SLC10A7: variants seen among roughly 807,000 people sequenced by gnomAD.
SLC10A7 encodes the protein sodium/bile acid cotransporter 7.
A neutral mutation model predicts 43.2 loss-of-function variants in SLC10A7; 29 were observed. That is an observed-to-expected ratio of 0.67 (90% CI 0.50 to 0.92). The LOEUF (loss-of-function observed/expected upper bound fraction) is 0.92, where lower values mean the gene tolerates loss of function less well. Ranked by LOEUF, SLC10A7 falls within the 40% of genes least tolerant of loss-of-function variation. The pLI, the probability that SLC10A7 is intolerant of heterozygous loss-of-function variation, is 0.00. For synonymous variants in SLC10A7, 152 were observed against 144.8 expected (o/e 1.05, Z -0.35); for missense variants, 295 against 403.2 (o/e 0.73, Z 2.30).
intron 5 of SLC10A7, among the ~76,000 whole-genome samples, chr4:146,339,200 A>T (rs1734086988): frequency 6.6e-6 from 1 of 152,050 alleles, no homozygotes; most frequent in African/African-American, 2.4e-5. Flanking sequence ...TTATAACAGA[A>T]CTTTAACATA....
chr4:146,363,843 C>T (rs985521248), intron 5 of SLC10A7, among the ~76,000 whole-genome samples: 7 of 151,942 alleles, frequency 4.6e-5, no homozygotes, highest in Admixed American at 3.3e-4. Flanking sequence ...CTGTGACATA[C>T]AACAAAAGCA....
intron 9 of SLC10A7, 130 bp downstream of exon 9, chr4:146,292,799 T>C: frequency 1.6e-6 from 1 of 609,888 alleles, no homozygotes. Flanking sequence ...GGCAGAATGG[T>C]CAGGGAGACA....
At chr4:146,427,956 A>G (rs1579160675) in intron 5 of SLC10A7, among the ~76,000 whole-genome samples, 1 of 152,162 alleles carries the variant, frequency 6.6e-6, no homozygotes, top group Non-Finnish European at 1.5e-5. Flanking sequence ...TAATTGCTTG[A>G]GCCCAGGTGA....
intron 4 of SLC10A7, among the ~76,000 whole-genome samples, chr4:146,453,400 T>G (rs757976846): frequency 6.6e-6 from 1 of 151,984 alleles, no homozygotes; most frequent in Non-Finnish European, 1.5e-5. Flanking sequence ...CAGGACAATA[T>G]GTGCATGTTA....
At chr4:146,519,134 ATATT>A (rs1738360248) in intron 1 of SLC10A7, among the ~76,000 whole-genome samples, 1 of 130,498 alleles carries the variant, frequency 7.7e-6, no homozygotes, top group South Asian at 2.3e-4. Flanking sequence ...TAATTAATAT[ATATT>A]ATGTATATAA....
At chr4:146,383,838 T>C (rs185767137) in intron 5 of SLC10A7, among the ~76,000 whole-genome samples, 80 of 152,284 alleles carry the variant, frequency 5.3e-4, no homozygotes, top group African/African-American at 1.7e-3. Context: ...TAATAGCCAA[T>C]ACTTAGGTAG....
At chr4:146,260,749 C>T (rs1728171145) in intron 10 of SLC10A7, among the ~76,000 whole-genome samples, 1 of 152,160 alleles carries the variant, frequency 6.6e-6, no homozygotes, top group South Asian at 2.1e-4. Flanking sequence ...TTCCAGATGC[C>T]ATGGGCACTG....
intron 5 of SLC10A7, among the ~76,000 whole-genome samples, chr4:146,427,385 C>CT (rs531612006): frequency 4.9e-4 from 74 of 151,622 alleles, no homozygotes; most frequent in African/African-American, 1.1e-3. Flanking sequence ...AAGCTTAAAA[C>CT]TTTTTTTTTA....
At chr4:146,350,064 G>A (rs1415298879) in intron 5 of SLC10A7, among the ~76,000 whole-genome samples, 2 of 152,048 alleles carry the variant, frequency 1.3e-5, no homozygotes, top group Non-Finnish European at 2.9e-5. Flanking sequence ...CCCGTCTACA[G>A]CTCCCAGCGT....
chr4:146,308,833 T>C (rs933506931), intron 6 of SLC10A7, among the ~76,000 whole-genome samples: 8 of 152,294 alleles, frequency 5.3e-5, no homozygotes, highest in Admixed American at 2.6e-4. Flanking sequence ...GCTTGGTTTC[T>C]TTGTTTTACT....
chr4:146,479,724 C>G (rs1007922178), intron 4 of SLC10A7, among the ~76,000 whole-genome samples: 3 of 152,074 alleles, frequency 2.0e-5, no homozygotes, highest in Admixed American at 6.5e-5. Context: ...TATGAATATA[C>G]TTGATGCCAC....
rs7439061 is a variant in SLC10A7 at position 146,503,962 on chromosome 4, A to T, written c.321-38T>A. ...AGAAAATCCAACTATAAATAATTTTATAATCATAGACAGCTTTCACTACAT... is the reference window on the plus strand; with the variant it reads ...AGAAAATCCAACTATAAATAATTTTTTAATCATAGACAGCTTTCACTACAT... On this transcript the variant is annotated intron_variant, in intron 3 of 11. Coordinates refer to ENST00000335472, the MANE Select transcript of SLC10A7 (RefSeq NM_001029998.6). 1,219,753 of 1,567,662 alleles carry T rather than the reference A, an allele frequency of 0.78. 479,804 individuals carry two copies. The highest frequency in any genetic ancestry group is 1 in the East Asian group (44,457 of 44,472).
At chr4:146,449,310 C>A (rs1324511632) in intron 4 of SLC10A7, among the ~76,000 whole-genome samples, 2 of 152,078 alleles carry the variant, frequency 1.3e-5, no homozygotes. Context: ...AGCAGTTGGA[C>A]AAAGTATATC....
intron 4 of SLC10A7, among the ~76,000 whole-genome samples, chr4:146,459,438 C>A (rs922158822): frequency 2.0e-5 from 3 of 151,482 alleles, no homozygotes; most frequent in South Asian, 4.2e-4. Context: ...TAAAGTTATG[C>A]TAATCAAGAT....
intron 5 of SLC10A7, among the ~76,000 whole-genome samples, chr4:146,383,349 G>A (rs938309599): frequency 2.0e-5 from 3 of 152,178 alleles, no homozygotes; most frequent in East Asian, 3.9e-4. Context: ...GGAAAACCGC[G>A]GCTTTCTAAG....
intron 10 of SLC10A7, among the ~76,000 whole-genome samples, chr4:146,281,395 TCA>T (rs1729541718): frequency 1.6e-5 from 1 of 64,452 alleles, no homozygotes. Context: ...TGAAGTAAAA[TCA>T]AAAAAAAAAA....
intron 5 of SLC10A7, among the ~76,000 whole-genome samples, chr4:146,410,993 C>A (rs891510924): frequency 6.6e-6 from 1 of 152,038 alleles, no homozygotes; most frequent in East Asian, 1.9e-4. Context: ...CCACGCCTGG[C>A]TAATTTTTGT....
At chr4:146,450,009 G>A (rs1731445838) in intron 4 of SLC10A7, among the ~76,000 whole-genome samples, 1 of 151,990 alleles carries the variant, frequency 6.6e-6, no homozygotes, top group Non-Finnish European at 1.5e-5. Context: ...ATGGGAGAAG[G>A]CATTTCAGGT....
intron 6 of SLC10A7, among the ~76,000 whole-genome samples, chr4:146,324,747 T>A (rs922078981): frequency 6.6e-6 from 1 of 152,144 alleles, no homozygotes. Context: ...GGTAGTTACA[T>A]AATAAGTCTT....
Sources: allele counts gnomAD v4.1 joint callset (sites outside exome capture counted in the v4.1 genomes callset), GRCh38; gene constraint gnomAD v4.1.1; transcripts MANE v1.5; gene names NCBI Gene and HGNC (gene_info 2026-07-23, HGNC 2026-07-21).